Variants in SLC30A8 observed in about 807,000 individuals in gnomAD.
The protein encoded by SLC30A8 is proton-coupled zinc antiporter SLC30A8.
In SLC30A8, 27 loss-of-function variants were observed where a neutral mutation model predicts 36.9. The observed-to-expected ratio is 0.73, with a 90% CI of 0.54 to 1.01. SLC30A8 has a LOEUF of 1.01. Ranked by LOEUF, SLC30A8 falls within the 50% of genes least tolerant of loss-of-function variation. SLC30A8 has a pLI of 0.00. For synonymous variants in SLC30A8, 164 were observed against 172.4 expected (o/e 0.95, Z 0.38); for missense variants, 439 against 452.0 (o/e 0.97, Z 0.26).
intron 2 of SLC30A8, among the ~76,000 whole-genome samples, chr8:117,042,321 G>T (rs1037292212): frequency 6.6e-6 from 1 of 152,200 alleles, no homozygotes; most frequent in Non-Finnish European, 1.5e-5. Context: ...AAACCTCAAG[G>T]TTTTTAATTT....
chr8:117,171,606 A>G (rs945017560), intron 7 of SLC30A8, among the ~76,000 whole-genome samples: 2 of 152,166 alleles, frequency 1.3e-5, no homozygotes, highest in Admixed American at 1.3e-4. Flanking sequence ...TTAAATTTCT[A>G]ACAAGCTAAT....
At chr8:117,106,596 T>C (rs1820006086) in intron 2 of SLC30A8, among the ~76,000 whole-genome samples, 1 of 152,174 alleles carries the variant, frequency 6.6e-6, no homozygotes, top group African/African-American at 2.4e-5. Context: ...TTAGAGCTTG[T>C]TAGCAGTAGT....
At chr8:116,967,598 G>T (rs1189398231) in intron 1 of SLC30A8, among the ~76,000 whole-genome samples, 1 of 152,122 alleles carries the variant, frequency 6.6e-6, no homozygotes, top group Non-Finnish European at 1.5e-5. Context: ...TTCATAGGGG[G>T]TAATAAATGG....
At chr8:117,100,388 T>C (rs930370586) in intron 2 of SLC30A8, among the ~76,000 whole-genome samples, 2 of 152,194 alleles carry the variant, frequency 1.3e-5, no homozygotes, top group African/African-American at 4.8e-5. Context: ...GGGGGAGGTA[T>C]TCAAATCTTA....
chr8:117,142,277 C>A (rs1222989196), intron 1 of SLC30A8, among the ~76,000 whole-genome samples: 1 of 152,116 alleles, frequency 6.6e-6, no homozygotes, highest in African/African-American at 2.4e-5. Flanking sequence ...TTTTTATTGT[C>A]ACCACGTGGG....
At position 117,176,456 on chromosome 8, in the gene SLC30A8, A is replaced by G. The variant is rs1159876983; in HGVS notation, c.*3775A>G. The G allele has an allele frequency of 6.6e-6, 1 of 152,476 alleles. No homozygotes were observed. Among genetic ancestry groups the G allele is most frequent in the Non-Finnish European group, 1.5e-5 (1 of 67,986 alleles). 9.4% of individuals were successfully genotyped at this position (152,476 alleles called of 1,614,324 possible). On this transcript the variant is annotated 3_prime_UTR_variant, in exon 8 of 8. Transcript: ENST00000456015. The stretch of plus-strand genomic sequence containing the variant: ...TAAATGACTAATTACAGAAATCATT[A>G]AAGGCACCAAGCAAATGTCATCTCT...
chr8:117,000,280 G>A lies in SLC30A8; in HGVS notation c.-265-38939G>A, dbSNP rs1053380745. On this transcript the variant is annotated intron_variant, in intron 1 of 10. Transcript: ENST00000427715. ...GGAGTGGGCGCAAATTCCTATGACC[G>A]AGTTGTCTGGACCTGGGCGAGGGCA... is the stretch of plus-strand genomic sequence containing the variant. 3.3e-5 allele frequency among the ~76,000 whole-genome samples: 5 copies of A among 152,260 alleles called. No homozygotes were observed. The East Asian group carries it at 7.7e-4, about 24-fold the overall frequency.
At chr8:116,998,767 T>C (rs867177541) in intron 1 of SLC30A8, among the ~76,000 whole-genome samples, 1 of 152,200 alleles carries the variant, frequency 6.6e-6, no homozygotes, top group African/African-American at 2.4e-5. Flanking sequence ...TACAATTAGC[T>C]GCAAGCCAAA....
chr8:117,074,654 A>G (rs1818434944), intron 2 of SLC30A8, among the ~76,000 whole-genome samples: 1 of 152,172 alleles, frequency 6.6e-6, no homozygotes, highest in South Asian at 2.1e-4. Flanking sequence ...CTTAAATGTA[A>G]TTAAAGGCAC....
At chr8:116,990,562 T>C (rs1436111792) in intron 1 of SLC30A8, among the ~76,000 whole-genome samples, 6 of 152,138 alleles carry the variant, frequency 3.9e-5, no homozygotes, top group African/African-American at 1.4e-4. Flanking sequence ...GTCTAACTTA[T>C]GCAAAATAAG....
intron 1 of SLC30A8, among the ~76,000 whole-genome samples, chr8:117,015,490 G>T (rs1175918747): frequency 6.6e-6 from 1 of 151,914 alleles, no homozygotes; most frequent in Admixed American, 6.6e-5. Flanking sequence ...TTCCTAAAGT[G>T]GGTCCAATGG....
chr8:117,134,223 A>G (rs1308336639), upstream of SLC30A8, among the ~76,000 whole-genome samples: 6 of 151,900 alleles, frequency 3.9e-5, no homozygotes, highest in Non-Finnish European at 7.4e-5. Context: ...AACTACTCTG[A>G]GTTTTCTCAC....
intron 1 of SLC30A8, among the ~76,000 whole-genome samples, chr8:116,990,604 G>A (rs184151649): frequency 2.0e-5 from 3 of 152,150 alleles, no homozygotes; most frequent in East Asian, 3.9e-4. Flanking sequence ...GCCAAGAGGA[G>A]TCTGAGGCAA....
chr8:117,161,147 T>C (rs1473196471), intron 4 of SLC30A8, among the ~76,000 whole-genome samples: 1 of 152,238 alleles, frequency 6.6e-6, no homozygotes, highest in African/African-American at 2.4e-5. Context: ...TACATTAATA[T>C]ATTTCTACTT....
intron 1 of SLC30A8, among the ~76,000 whole-genome samples, chr8:117,013,678 A>G (rs1348661496): frequency 1.3e-5 from 2 of 152,160 alleles, no homozygotes; most frequent in African/African-American, 4.8e-5. Flanking sequence ...AATCCTTCTT[A>G]TGGGAGTCTA....
upstream of SLC30A8, chr8:116,950,949 A>T (rs977877567): frequency 5.3e-5 from 8 of 152,208 alleles, no homozygotes; most frequent in African/African-American, 1.9e-4. Context: ...GAGGCTATTG[A>T]ATTTTAAGAA....
At chr8:117,067,095 G>GA (rs1183698513) in intron 2 of SLC30A8, among the ~76,000 whole-genome samples, 2 of 152,022 alleles carry the variant, frequency 1.3e-5, no homozygotes, top group African/African-American at 2.4e-5. Flanking sequence ...AGTAAAGGGG[G>GA]AAAAACCCCT....
intron 2 of SLC30A8, among the ~76,000 whole-genome samples, chr8:117,044,583 A>C (rs950539873): frequency 6.6e-6 from 1 of 152,190 alleles, no homozygotes; most frequent in African/African-American, 2.4e-5. Flanking sequence ...GAGCACAAGC[A>C]TTGCTTCTAG....
intron 3 of SLC30A8, among the ~76,000 whole-genome samples, chr8:117,156,877 C>CTAA (rs1428499103): frequency 2.6e-5 from 4 of 152,272 alleles, no homozygotes; most frequent in African/African-American, 9.6e-5. Context: ...TTAAAAGGAA[C>CTAA]TAATCTCTGG....
Sources: gnomAD v4.1 joint callset for allele counts (sites outside exome capture counted in the v4.1 genomes callset) on GRCh38, gnomAD v4.1.1 for gene constraint, MANE v1.5 for transcripts, NCBI Gene and HGNC (gene_info 2026-07-23, HGNC 2026-07-21) for gene names.